Variants in KATNIP observed in about 807,000 individuals in gnomAD.
The protein encoded by KATNIP is katanin-interacting protein.
KATNIP carries 126 observed loss-of-function variants against 174.0 expected under a neutral mutation model. The ratio of observed to expected loss-of-function variants is 0.72; its 90% CI spans 0.63 to 0.84. The LOEUF is 0.84. KATNIP is among the 40% of genes least tolerant of loss of function. The pLI is 0.00. For synonymous variants in KATNIP, 810 were observed against 835.7 expected (o/e 0.97, Z 0.53); for missense variants, 1,958 against 2,109.7 (o/e 0.93, Z 1.41).
At chr16:27,720,496 CTTTTT>C (rs56263804) in intron 13 of KATNIP, among the ~76,000 whole-genome samples, 15,598 of 124,550 alleles carry the variant, frequency 0.13, 1,032 homozygotes, top group Middle Eastern at 0.24. Context: ...GGGTTTTGTT[CTTTTT>C]TTTTTTTTTT....
intron 19 of KATNIP, among the ~76,000 whole-genome samples, chr16:27,763,289 AAAAAAAT>A (rs756587079): frequency 4.9e-4 from 75 of 151,566 alleles, no homozygotes; most frequent in Non-Finnish European, 6.5e-4. Context: ...GTCTCTACAA[AAAAAAAT>A]AAAAAATAAA....
chr16:27,748,778 T>G (rs1016573796), intron 15 of KATNIP, among the ~76,000 whole-genome samples: 2 of 152,176 alleles, frequency 1.3e-5, no homozygotes, highest in Non-Finnish European at 2.9e-5. Flanking sequence ...AGCGAGACCC[T>G]GTCTCTAAAA....
chr16:27,762,472 A>G (rs952346382), intron 19 of KATNIP, among the ~76,000 whole-genome samples: 2 of 152,186 alleles, frequency 1.3e-5, no homozygotes, highest in Non-Finnish European at 2.9e-5. Context: ...GGAGACTGAA[A>G]TATGCAGAGG....
intron 15 of KATNIP, among the ~76,000 whole-genome samples, chr16:27,741,913 A>G (rs559801600): frequency 2.0e-5 from 3 of 152,238 alleles, no homozygotes; most frequent in African/African-American, 7.2e-5. Flanking sequence ...AAAAAAAATA[A>G]TGAATGCAAG....
chr16:27,718,545 C>T (rs1289614253), intron 13 of KATNIP: 1 of 152,316 alleles, frequency 6.6e-6, no homozygotes, highest in Non-Finnish European at 1.5e-5. Flanking sequence ...TTGAACACCA[C>T]AATTCCCGCT....
rs1469467061 is a variant in KATNIP, at chr16:27,779,657, C to G, written c.*1028C>G. On this transcript the variant is annotated 3_prime_UTR_variant, in exon 28 of 28. Coordinates refer to ENST00000261588, the MANE Select transcript of KATNIP (RefSeq NM_015202.5). ...GTGCTCCTTTCCCAGGCCCCCACCC[C>G]TTCTCCCCCTTCAGCCACTTCCCAG... The G allele has an allele frequency of 6.6e-6, 1 of 152,348 alleles. No individual in the cohort carries two copies. Among genetic ancestry groups the G allele is most frequent in the African/African-American group, 2.4e-5 (1 of 41,520 alleles). 9.4% of individuals were successfully genotyped at this position (152,348 alleles called of 1,614,324 possible). A position where few individuals can be genotyped will look rare whatever the true frequency, so the allele number is the denominator to read the frequency against.
At chr16:27,655,514 T>C (rs2077252440) in intron 6 of KATNIP, among the ~76,000 whole-genome samples, 1 of 151,800 alleles carries the variant, frequency 6.6e-6, no homozygotes, top group Admixed American at 6.6e-5. Flanking sequence ...CCTCCCAAAG[T>C]GCTGGGATTA....
At chr16:27,647,650 C>T (rs1481401134) in intron 5 of KATNIP, among the ~76,000 whole-genome samples, 1 of 152,080 alleles carries the variant, frequency 6.6e-6, no homozygotes, top group East Asian at 1.9e-4. Context: ...GGACTACAGG[C>T]ATGCGCCACC....
chr16:27,687,792 C>T (rs1441996374), intron 8 of KATNIP, among the ~76,000 whole-genome samples: 2 of 152,162 alleles, frequency 1.3e-5, no homozygotes, highest in Non-Finnish European at 2.9e-5. Flanking sequence ...AAGCAACACC[C>T]CTCAGTGTGA....
At position 27,776,959 on chromosome 16, in the gene KATNIP, C is replaced by CT; in HGVS notation, c.4482dup (p.Thr1495TyrfsTer51). On this transcript the variant is annotated frameshift_variant, in exon 25 of 28. Transcript: ENST00000261588. LOFTEE classifies it high-confidence loss of function. This position sits in a 1 kb window ranked among gnomAD's most constrained non-coding sequence, Gnocchi z 4.7. The stretch of plus-strand genomic sequence containing the variant: ...CGGGTTTATGTGATTTTCGATCTGC[C>CT]TACCACCGTGTCAATGATCAAACTG... 6.2e-7 allele frequency: 1 copy of CT among 1,613,816 alleles called. No individual in the cohort carries two copies. The highest frequency in any genetic ancestry group is 1.7e-5 in the Admixed American group (1 of 60,028).
At chr16:27,681,640 C>A in intron 8 of KATNIP, 110 bp downstream of exon 8, 2 of 1,258,870 alleles carry the variant, frequency 1.6e-6, no homozygotes, top group Non-Finnish European at 2.3e-6. Context: ...AGAGGGCTAG[C>A]TGCCCTTTAG....
At chr16:27,626,779 T>G (rs763811913) in intron 3 of KATNIP, among the ~76,000 whole-genome samples, 5 of 151,780 alleles carry the variant, frequency 3.3e-5, no homozygotes, top group Non-Finnish European at 7.4e-5. Flanking sequence ...AAACCCTGTC[T>G]CTACTAAAAA....
intron 2 of KATNIP, among the ~76,000 whole-genome samples, chr16:27,609,695 ATT>A (rs34407543): frequency 1.1e-4 from 15 of 131,004 alleles, no homozygotes; most frequent in East Asian, 2.2e-4. Context: ...CTGCCAAGTC[ATT>A]TTTTTTTTTT....
intron 2 of KATNIP, among the ~76,000 whole-genome samples, chr16:27,588,906 G>A (rs2091003776): frequency 8.0e-6 from 1 of 124,726 alleles, no homozygotes; most frequent in African/African-American, 3.1e-5. Context: ...TTTTGAACCG[G>A]AGTCTCACTC....
At chr16:27,669,660 T>G (rs1056920930) in intron 6 of KATNIP, among the ~76,000 whole-genome samples, 5 of 152,164 alleles carry the variant, frequency 3.3e-5, no homozygotes, top group African/African-American at 1.2e-4. Flanking sequence ...GGAATGTTGC[T>G]CCTTAGTTTG....
intron 17 of KATNIP, 122 bp from the exon 18 acceptor site, chr16:27,754,049 AAC>A (rs2081617746): frequency 1.3e-6 from 1 of 784,172 alleles, no homozygotes; most frequent in African/African-American, 1.7e-5. Context: ...AATCCAGGAA[AAC>A]ACACAAGGAC....
rs2079100342 is a variant in KATNIP at position 27,701,603 on chromosome 16, C to T, written c.1194C>T (p.Thr398=). 1 of 1,595,732 alleles carries T rather than the reference C, an allele frequency of 6.3e-7. No homozygotes were observed. Among genetic ancestry groups the T allele is most frequent in the Non-Finnish European group, 8.5e-7 (1 of 1,171,418 alleles). The change falls in exon 11 of 28, where the codon ACC becomes ACT. Residue 398 remains threonine (T), a synonymous_variant. Transcript: ENST00000261588. ...KEETLELLPI[T]TATTTQEPAG... ...TCCATCCTCAGCTGCTTCCCATCAC[C>T]ACGGCGACTACTACTCAGGAGCCGG...
At chr16:27,650,423 A>C (rs1356491006) in intron 6 of KATNIP, among the ~76,000 whole-genome samples, 1 of 152,260 alleles carries the variant, frequency 6.6e-6, no homozygotes, top group Admixed American at 6.5e-5. Flanking sequence ...GAATGAGTAC[A>C]TCATCTCCAT....
Position 27,637,605 on chromosome 16 carries a change from G to A in KATNIP, c.408+6443G>A, listed in dbSNP as rs529742188. Reference sequence around the variant, plus strand: ...CCAGCCCCGGAAAGATCTGTGGCTGGGGGAGGCTTTCAGGTGAGGGGACAG... The same window carrying A: ...CCAGCCCCGGAAAGATCTGTGGCTGAGGGAGGCTTTCAGGTGAGGGGACAG... On this transcript the variant is annotated intron_variant, in intron 5 of 27. Coordinates refer to ENST00000261588, the MANE Select transcript of KATNIP (RefSeq NM_015202.5). This position sits in a 1 kb window ranked among gnomAD's most constrained non-coding sequence, Gnocchi z 4.7. Among the ~76,000 whole-genome samples the A allele has an allele frequency of 6.6e-6, 1 of 152,260 alleles. No homozygotes were observed. The highest frequency in any genetic ancestry group is 1.9e-4 in the East Asian group (1 of 5,166).
Sources: gnomAD v4.1 joint callset for allele counts (sites outside exome capture counted in the v4.1 genomes callset) on GRCh38, gnomAD v4.1.1 for gene constraint, Gnocchi (gnomAD v3.1) non-coding constraint, MANE v1.5 for transcripts, NCBI Gene and HGNC (gene_info 2026-07-23, HGNC 2026-07-21) for gene names.